Variants in TTC28 observed in about 807,000 individuals in gnomAD.
The protein encoded by TTC28 is tetratricopeptide repeat protein 28.
In TTC28, 61 loss-of-function variants were observed where a neutral mutation model predicts 198.0. The observed-to-expected ratio is 0.31, with a 90% CI of 0.25 to 0.38. TTC28 has a LOEUF of 0.38. TTC28 is among the 10% of genes least tolerant of loss of function. The pLI, the probability that TTC28 is intolerant of heterozygous loss-of-function variation, is 1.00. For synonymous variants in TTC28, 1,171 were observed against 1,297.8 expected, an observed-to-expected ratio of 0.90 and a Z score of 2.10; for missense variants, 2,678 against 3,164.0, an observed-to-expected ratio of 0.85 and a Z score of 3.69.
chr22:28,643,439 C>T (rs1474961), intron 1 of TTC28, among the ~76,000 whole-genome samples: 10,415 of 152,246 alleles, frequency 0.068, 528 homozygotes, highest in Non-Finnish European at 0.096. Flanking sequence ...AACCCTGAAG[C>T]ACAATTGCCA....
chr22:28,674,400 T>C (rs2051944168), intron 1 of TTC28, among the ~76,000 whole-genome samples: 1 of 151,570 alleles, frequency 6.6e-6, no homozygotes, highest in South Asian at 2.1e-4. Context: ...AAAAAACAAA[T>C]ATCAAATCCC....
intron 3 of TTC28, among the ~76,000 whole-genome samples, chr22:28,299,125 T>G (rs1015333448): frequency 5.3e-5 from 8 of 152,148 alleles, no homozygotes; most frequent in African/African-American, 1.9e-4. Flanking sequence ...CTTTTTTTCT[T>G]TAAAGACAAG....
At chr22:28,271,465 G>A (rs1932067129) in intron 5 of TTC28, among the ~76,000 whole-genome samples, 1 of 152,102 alleles carries the variant, frequency 6.6e-6, no homozygotes, top group African/African-American at 2.4e-5. Context: ...GTATGGTTTG[G>A]CTGTGTCCCC....
At chr22:28,383,963 C>A (rs1486913631) in intron 2 of TTC28, among the ~76,000 whole-genome samples, 1 of 152,176 alleles carries the variant, frequency 6.6e-6, no homozygotes, top group Admixed American at 6.5e-5. Context: ...CTCCCCTAAA[C>A]AACTTATTTG....
chr22:28,337,188 C>T (rs1346697607), intron 2 of TTC28, among the ~76,000 whole-genome samples: 2 of 152,176 alleles, frequency 1.3e-5, no homozygotes, highest in East Asian at 3.8e-4. Context: ...AGTTTGATTG[C>T]ACTGTGGTCT....
Position 28,296,301 on chromosome 22 carries a change from T to C in TTC28, c.830A>G (p.His277Arg), listed in dbSNP as rs1352713023. ...LGDQTGECRA[H>R]GNLGSAFFSK... ...GAAGAATGCAGAGCCCAGATTCCCA[T>C]GAGCTCGGCATTCTCCTGTCTGGTC... The change falls in exon 5 of 23, where the codon CAT becomes CGT. Residue 277 changes from histidine to arginine, a missense_variant. Physicochemically the swap from His to Arg is conservative, Grantham distance 29 (BLOSUM62 0). This residue lies in a region of TTC28 where 775 missense variants were observed against 845.9 expected (regional missense o/e 0.92). Transcript: ENST00000397906. 1.9e-6 allele frequency: 3 copies of C among 1,548,114 alleles called. No individual in the cohort carries two copies. Among genetic ancestry groups the C allele is most frequent in the Non-Finnish European group, 2.6e-6 (3 of 1,145,520 alleles).
chr22:28,513,734 T>C (rs1307917697), intron 2 of TTC28, among the ~76,000 whole-genome samples: 1 of 152,180 alleles, frequency 6.6e-6, no homozygotes, highest in Non-Finnish European at 1.5e-5. Flanking sequence ...TTAAAGAGTA[T>C]TTCCAAATTT....
At chr22:28,169,615 A>G (rs2147077812) in intron 5 of TTC28, among the ~76,000 whole-genome samples, 1 of 152,268 alleles carries the variant, frequency 6.6e-6, no homozygotes, top group South Asian at 2.1e-4. Context: ...GTGGGAACTG[A>G]ACAATCAGAA....
Position 28,371,509 on chromosome 22 carries a change from C to CAA in TTC28, c.382-64868_382-64867dup, listed in dbSNP as rs1229801209. Among the ~76,000 whole-genome samples, 55 of 6,102 alleles carry CAA rather than the reference C, an allele frequency of 9.0e-3. 7 individuals carry two copies. Among genetic ancestry groups the CAA allele is most frequent in the Admixed American group, 0.019 (4 of 214 alleles). 4.0% of individuals were successfully genotyped at this position (6,102 alleles called of 152,430 possible). A position where few individuals can be genotyped will look rare whatever the true frequency, so the allele number is the denominator to read the frequency against. On this transcript the variant is annotated intron_variant, in intron 2 of 22. Transcript: ENST00000397906. ...TGGGCAACAGAGTGAGACCCTGTCT[C>CAA]AAAAAAAAAAAAAAAAAAAAGAGTT... is the stretch of plus-strand genomic sequence containing the variant.
intron 13 of TTC28, among the ~76,000 whole-genome samples, chr22:28,021,633 T>TA: frequency 6.6e-6 from 1 of 152,198 alleles, no homozygotes; most frequent in East Asian, 1.9e-4. Context: ...AGCAGCTGTG[T>TA]ACATGTGTGC....
intron 2 of TTC28, among the ~76,000 whole-genome samples, chr22:28,572,878 G>C (rs2050085325): frequency 6.6e-6 from 1 of 152,176 alleles, no homozygotes. Flanking sequence ...GCCAGGTGCA[G>C]TGGCTTACAC....
chr22:28,270,264 T>C (rs1172181373), intron 5 of TTC28, among the ~76,000 whole-genome samples: 1 of 152,146 alleles, frequency 6.6e-6, no homozygotes, highest in Non-Finnish European at 1.5e-5. Context: ...GGGAAAGCAT[T>C]TGAATCCTAA....
intron 2 of TTC28, among the ~76,000 whole-genome samples, chr22:28,482,342 G>A (rs2048262066): frequency 6.7e-6 from 1 of 149,996 alleles, no homozygotes; most frequent in South Asian, 2.1e-4. Flanking sequence ...CTCCCGAGTA[G>A]CTGGGACTGC....
chr22:28,171,999 T>C (rs1420280926), intron 5 of TTC28, among the ~76,000 whole-genome samples: 3 of 152,164 alleles, frequency 2.0e-5, no homozygotes, highest in Non-Finnish European at 4.4e-5. Context: ...CCTCCTTTGC[T>C]GCAGGCCTAG....
At chr22:28,476,248 T>C (rs901310120) in intron 2 of TTC28, among the ~76,000 whole-genome samples, 2 of 152,218 alleles carry the variant, frequency 1.3e-5, no homozygotes, top group Non-Finnish European at 2.9e-5. Flanking sequence ...TAAAATATTA[T>C]TTAGTTTTGC....
At chr22:28,503,184 TG>T (rs893729862) in intron 2 of TTC28, among the ~76,000 whole-genome samples, 6 of 152,176 alleles carry the variant, frequency 3.9e-5, no homozygotes, top group Non-Finnish European at 5.9e-5. Flanking sequence ...TCCCTCCACC[TG>T]GAACACTCCC....
At chr22:28,279,202 C>T (rs886643233) in intron 5 of TTC28, among the ~76,000 whole-genome samples, 1 of 152,110 alleles carries the variant, frequency 6.6e-6, no homozygotes, top group Non-Finnish European at 1.5e-5. Context: ...CATATCTATA[C>T]ATCTTTTCAT....
chr22:28,506,056 C>T (rs1359055737), intron 2 of TTC28, among the ~76,000 whole-genome samples: 2 of 150,088 alleles, frequency 1.3e-5, no homozygotes, highest in Non-Finnish European at 3.0e-5. Flanking sequence ...CTTAAGGGGA[C>T]CTCAACCCAT....
intron 2 of TTC28, among the ~76,000 whole-genome samples, chr22:28,398,582 GC>G (rs1437284870): frequency 6.6e-6 from 1 of 152,128 alleles, no homozygotes; most frequent in Non-Finnish European, 1.5e-5. Flanking sequence ...AAACATCATG[GC>G]CCCTAAATGC....
Sources: gnomAD v4.1 joint callset for allele counts (sites outside exome capture counted in the v4.1 genomes callset) on GRCh38, gnomAD v4.1.1 for gene constraint, gnomAD v4.1.1 regional missense constraint, MANE v1.5 for transcripts, NCBI Gene and HGNC (gene_info 2026-07-23, HGNC 2026-07-21) for gene names.